The following KLHDC4 variants were observed in gnomAD, a reference collection of about 807,000 sequenced individuals.
The protein encoded by KLHDC4 is kelch domain-containing protein 4.
In KLHDC4, 90 loss-of-function variants were observed where a neutral mutation model predicts 62.4. That is an observed-to-expected ratio of 1.44 (90% confidence interval 1.22 to 1.72). The LOEUF (loss-of-function observed/expected upper bound fraction) is 1.72. Ranked by LOEUF, KLHDC4 falls within the 40% of genes most tolerant of loss-of-function variation. The probability of loss-of-function intolerance (pLI) is 0.00; values close to 1 mark genes in which losing one functional copy is unlikely to be tolerated. For missense variants in KLHDC4, 1,025 were observed against 699.7 expected (o/e 1.47, Z -5.25); for synonymous variants, 386 against 284.4 (o/e 1.36, Z -3.59).
At chr16:87,722,263 C>T (rs1178450275) in intron 7 of KLHDC4, among the ~76,000 whole-genome samples, 6 of 152,186 alleles carry the variant, frequency 3.9e-5, no homozygotes, top group Non-Finnish European at 8.8e-5. Context: ...GCCGGTTCTT[C>T]GTGGCAGCGC....
In KLHDC4 at chr16:87,708,367, C is replaced by T. The variant is rs1431541526; in HGVS notation, c.1547G>A (p.Ser516Asn). Residue 516 changes from serine to asparagine, a missense_variant, in exon 11 of 12, where the codon AGC (serine) becomes AAC (asparagine). By Grantham distance (46) the Ser-to-Asn change is conservative. Coordinates refer to ENST00000270583, the MANE Select transcript of KLHDC4 (RefSeq NM_017566.4). The stretch of plus-strand genomic sequence containing the variant: ...CCGCTCACCTCAGTCCTCCGCACCG[C>T]TCTCCTCTCCGCTGTCTTCGTCGTC... Reference protein sequence around the residue: ...GVDDEDSGEESGAED With the variant: ...GVDDEDSGEENGAED 4.4e-6 allele frequency: 7 copies of T among 1,608,106 alleles called. No individual in the cohort carries two copies. Among genetic ancestry groups the T allele is most frequent in the Admixed American group, 3.3e-5 (2 of 59,750 alleles).
intron 7 of KLHDC4, among the ~76,000 whole-genome samples, chr16:87,719,992 C>T (rs1339194405): frequency 6.6e-6 from 1 of 152,208 alleles, no homozygotes; most frequent in Non-Finnish European, 1.5e-5. Flanking sequence ...GCAGCCACAT[C>T]CCCTGATGAG....
chr16:87,704,640 C>G (rs956683288), downstream of KLHDC4, among the ~76,000 whole-genome samples: 1 of 152,058 alleles, frequency 6.6e-6, no homozygotes, highest in African/African-American at 2.4e-5. Flanking sequence ...CTCTCACCAA[C>G]GGGCATCTTG....
Position 87,711,352 on chromosome 16 carries a change from T to C in KLHDC4, c.927A>G (p.Thr309=). Residue 309 remains threonine, a synonymous_variant, in exon 9 of 12, where the codon ACA becomes ACG. Coordinates refer to ENST00000270583, the MANE Select transcript of KLHDC4 (RefSeq NM_017566.4). ...CGTCACAGACACCCCCGAAGAACAG[T>C]GTCTGGTGATTCGGGGCCATGGCCA... is the stretch of plus-strand genomic sequence containing the variant. ...FSVAMAPNHQ[T]LFFGGVCDEE... is the part of the protein sequence containing the mutation. 2 of 1,613,908 alleles carry C rather than the reference T, an allele frequency of 1.2e-6. No homozygotes were observed. Among genetic ancestry groups the C allele is most frequent in the Non-Finnish European group, 1.7e-6 (2 of 1,180,006 alleles).
intron 5 of KLHDC4, among the ~76,000 whole-genome samples, chr16:87,742,771 G>C (rs999042314): frequency 2.0e-5 from 3 of 152,158 alleles, no homozygotes; most frequent in African/African-American, 7.2e-5. Flanking sequence ...TCTGCCAGCA[G>C]ACAGCTCTGC....
At chr16:87,724,214 T>C (rs1017013631) in intron 7 of KLHDC4, among the ~76,000 whole-genome samples, 2 of 152,308 alleles carry the variant, frequency 1.3e-5, no homozygotes, top group Non-Finnish European at 2.9e-5. Context: ...ACTCACCTAA[T>C]GCTGCTCTTG....
At chr16:87,706,428 G>C (rs957025216), downstream of KLHDC4, among the ~76,000 whole-genome samples, 2 of 142,494 alleles carry the variant, frequency 1.4e-5, no homozygotes. Flanking sequence ...GCAGCCTCCA[G>C]GGGGGTCGGC....
intron 5 of KLHDC4, among the ~76,000 whole-genome samples, chr16:87,746,237 TC>T (rs745323141): frequency 2.1e-4 from 32 of 151,416 alleles, no homozygotes; most frequent in Non-Finnish European, 3.8e-4. Context: ...ACCACTGTAT[TC>T]CAGCCTGGGC....
Position 87,711,003 on chromosome 16 carries a change from G to A in KLHDC4, c.1044+232C>T, listed in dbSNP as rs1213242019. 5 of 536,162 alleles carry A rather than the reference G, an allele frequency of 9.3e-6. No individual in the cohort carries two copies. In the East Asian group the frequency reaches 1.2e-4, roughly 13 times the overall value. 33.2% of individuals were successfully genotyped at this position (536,162 alleles called of 1,614,324 possible). A position where few individuals can be genotyped will look rare whatever the true frequency, so the allele number is the denominator to read the frequency against. The stretch of plus-strand genomic sequence containing the variant: ...CGGGCACCTCAGCCCAGGGCAACTG[G>A]CTTCTGAGGTAGCAGCCCCGCCAGC... On this transcript the variant is annotated intron_variant, in intron 9 of 11. Coordinates refer to ENST00000270583, the MANE Select transcript of KLHDC4 (RefSeq NM_017566.4).
At chr16:87,715,914 T>G (rs954077422) in intron 7 of KLHDC4, among the ~76,000 whole-genome samples, 4 of 152,186 alleles carry the variant, frequency 2.6e-5, no homozygotes, top group Non-Finnish European at 4.4e-5. Flanking sequence ...GACACAGACT[T>G]CAGGCACGCT....
chr16:87,709,769 C>G (rs998043201), intron 9 of KLHDC4, 102 bp from the exon 10 acceptor site: 27 of 1,348,462 alleles, frequency 2.0e-5, no homozygotes, highest in African/African-American at 4.4e-5. Flanking sequence ...GGACCACCCA[C>G]AAGCGTGGGG....
chr16:87,709,192 G>A, intron 10 of KLHDC4, 73 bp downstream of exon 10: 1 of 1,532,898 alleles, frequency 6.5e-7, no homozygotes, highest in Non-Finnish European at 8.8e-7. Flanking sequence ...TGCAGGGCTT[G>A]CTTTCGAGGG....
intron 5 of KLHDC4, chr16:87,739,978 T>C (rs895661040): frequency 6.6e-6 from 1 of 152,242 alleles, no homozygotes; most frequent in African/African-American, 2.4e-5. Context: ...TGAGGGTATA[T>C]GAATCACATC....
At chr16:87,760,149 G>A (rs1427430604) in intron 2 of KLHDC4, among the ~76,000 whole-genome samples, 1 of 151,570 alleles carries the variant, frequency 6.6e-6, no homozygotes, top group East Asian at 1.9e-4. Context: ...GCTGACCCAG[G>A]GAACTGCCAA....
intron 2 of KLHDC4, among the ~76,000 whole-genome samples, chr16:87,757,642 C>A (rs2045192506): frequency 6.6e-6 from 1 of 152,064 alleles, no homozygotes. Flanking sequence ...GTAATCCCAG[C>A]ACTTTGGGAG....
chr16:87,717,971 G>A (rs948636212), intron 7 of KLHDC4, among the ~76,000 whole-genome samples: 1 of 152,142 alleles, frequency 6.6e-6, no homozygotes, highest in Admixed American at 6.5e-5. Context: ...GAGAGGTGGA[G>A]CACTTCACAA....
intron 1 of KLHDC4, among the ~76,000 whole-genome samples, chr16:87,765,522 G>A (rs911422870): frequency 6.6e-6 from 1 of 151,822 alleles, no homozygotes; most frequent in Non-Finnish European, 1.5e-5. Flanking sequence ...AGGAAACGCA[G>A]AAAAACGCCC....
At chr16:87,719,610 G>A (rs183981679) in intron 7 of KLHDC4, among the ~76,000 whole-genome samples, 15 of 150,982 alleles carry the variant, frequency 9.9e-5, no homozygotes, top group African/African-American at 3.7e-4. Context: ...CTCCACTGTT[G>A]TCCTATGACC....
At chr16:87,709,846 G>A (rs993014613) in intron 9 of KLHDC4, 179 bp from the exon 10 acceptor site, 22 of 695,812 alleles carry the variant, frequency 3.2e-5, no homozygotes, top group Middle Eastern at 3.5e-4. Flanking sequence ...GCAGGAGCAC[G>A]CTCCTGTCTC....
Sources: allele counts gnomAD v4.1 joint callset (sites outside exome capture counted in the v4.1 genomes callset), GRCh38; gene constraint gnomAD v4.1.1; transcripts MANE v1.5; gene names NCBI Gene and HGNC (gene_info 2026-07-23, HGNC 2026-07-21).